The following GALNT18 variants were observed in gnomAD, a reference collection of about 807,000 sequenced individuals.
GALNT18 encodes GalNAc-transferase 18.
Under a neutral mutation model 69.5 loss-of-function variants are expected in GALNT18, and 44 were observed. That is an observed-to-expected ratio of 0.63 (90% CI 0.50 to 0.81). GALNT18 has a LOEUF of 0.81. GALNT18 is among the 40% of genes least tolerant of loss of function. GALNT18 has a pLI of 0.00. For missense variants in GALNT18, 715 were observed against 810.0 expected (o/e 0.88, Z 1.42); for synonymous variants, 364 against 318.2 (o/e 1.14, Z -1.53).
intron 9 of GALNT18, among the ~76,000 whole-genome samples, chr11:11,316,830 A>C (rs1849764727): frequency 6.6e-6 from 1 of 152,174 alleles, no homozygotes; most frequent in Non-Finnish European, 1.5e-5. Context: ...TCATTGTATA[A>C]ACTGTGATCA....
intron 10 of GALNT18, among the ~76,000 whole-genome samples, chr11:11,277,954 G>T (rs904939560): frequency 6.6e-6 from 1 of 152,148 alleles, no homozygotes. Context: ...GTCCGATGAG[G>T]TGCTGAGAAG....
At chr11:11,427,624 C>T (rs915841475) in intron 3 of GALNT18, among the ~76,000 whole-genome samples, 1 of 152,116 alleles carries the variant, frequency 6.6e-6, no homozygotes, top group Non-Finnish European at 1.5e-5. Context: ...AAATAGGGTT[C>T]GCAGAGGTTA....
chr11:11,515,160 G>A (rs557393681), intron 1 of GALNT18, among the ~76,000 whole-genome samples: 1 of 152,130 alleles, frequency 6.6e-6, no homozygotes, highest in East Asian at 1.9e-4. Context: ...CTGAGAATAG[G>A]GGCCTCTCCT....
rs979598265 is a variant in GALNT18 at position 11,274,531 on chromosome 11, G to A, written c.1678-3241C>T. On this transcript the variant is annotated intron_variant, in intron 10 of 10. Coordinates refer to ENST00000227756, the MANE Select transcript of GALNT18 (RefSeq NM_198516.3). ...GTGAGGGACATCCGCCATTGCTGTGGCCTGAGTAGGTGGGTTTTTAAAATT... is the reference window on the plus strand; with the variant it reads ...GTGAGGGACATCCGCCATTGCTGTGACCTGAGTAGGTGGGTTTTTAAAATT... Among the ~76,000 whole-genome samples the A allele has an allele frequency of 2.6e-5, 4 of 152,312 alleles. No individual in the cohort carries two copies. The East Asian group carries it at 7.7e-4, about 29-fold the overall frequency.
intron 1 of GALNT18, among the ~76,000 whole-genome samples, chr11:11,610,376 T>C (rs540194513): frequency 6.6e-6 from 1 of 152,290 alleles, no homozygotes; most frequent in African/African-American, 2.4e-5. Context: ...ATCTGTGAAA[T>C]GGGGATAATA....
At chr11:11,576,422 G>A (rs1223073139) in intron 1 of GALNT18, among the ~76,000 whole-genome samples, 1 of 152,236 alleles carries the variant, frequency 6.6e-6, no homozygotes, top group Admixed American at 6.5e-5. Flanking sequence ...TTAACCAGGT[G>A]CAGATATAAG....
chr11:11,610,571 T>C (rs571802022), intron 1 of GALNT18, among the ~76,000 whole-genome samples: 1 of 152,322 alleles, frequency 6.6e-6, no homozygotes, highest in East Asian at 1.9e-4. Context: ...GATTGATTGA[T>C]CTCTTCTATG....
Position 11,349,282 on chromosome 11 carries a change from G to A in GALNT18, c.1093-8278C>T, listed in dbSNP as rs184163579. ...CGCTTGTATGTGTCTCCTGGTGCAC[G>A]AGAGTGGGCAGGCCTCCATGTATTT... On this transcript the variant is annotated intron_variant, in intron 6 of 10. Transcript: ENST00000227756. 5.9e-3 allele frequency among the ~76,000 whole-genome samples: 899 copies of A among 152,274 alleles called. 4 individuals carry two copies. The highest frequency in any genetic ancestry group is 0.014 in the African/African-American group (573 of 41,546).
chr11:11,291,567 G>A (rs149907744), intron 10 of GALNT18, among the ~76,000 whole-genome samples: 2 of 152,296 alleles, frequency 1.3e-5, no homozygotes, highest in Admixed American at 6.5e-5. Flanking sequence ...AGACAGGAAG[G>A]AGCAGGAGCC....
chr11:11,479,719 C>A (rs7929276), intron 1 of GALNT18, among the ~76,000 whole-genome samples: 17,454 of 152,134 alleles, frequency 0.11, 1,157 homozygotes, highest in African/African-American at 0.16. Flanking sequence ...TGACCTGTGC[C>A]CCATGCGGAA....
Position 11,592,876 on chromosome 11 carries a change from G to A in GALNT18, c.235+28483C>T, listed in dbSNP as rs1859391432. ...TGGTTACCTTTCTTGTAGATAAAAT[G>A]CTAAGGGTCAGACCAGAACAGAGGA... On this transcript the variant is annotated intron_variant, in intron 1 of 10. Transcript: ENST00000227756. The surrounding 1 kb of genome is among the most constrained non-coding windows in gnomAD (Gnocchi z 5.9). 1.3e-5 allele frequency among the ~76,000 whole-genome samples: 2 copies of A among 152,112 alleles called. No homozygotes were observed. The highest frequency in any genetic ancestry group is 2.9e-5 in the Non-Finnish European group (2 of 68,026).
intron 3 of GALNT18, among the ~76,000 whole-genome samples, chr11:11,381,774 A>G (rs925609864): frequency 1.3e-5 from 2 of 152,176 alleles, no homozygotes; most frequent in Non-Finnish European, 2.9e-5. Flanking sequence ...TCGGGCCACC[A>G]GCTGATTGCA....
At chr11:11,446,369 A>G (rs1023589757) in intron 2 of GALNT18, among the ~76,000 whole-genome samples, 3 of 152,100 alleles carry the variant, frequency 2.0e-5, no homozygotes, top group African/African-American at 7.2e-5. Flanking sequence ...ACAAATATGG[A>G]TTGAGCTGTG....
chr11:11,361,901 T>C (rs1378721163), intron 6 of GALNT18, among the ~76,000 whole-genome samples: 1 of 152,202 alleles, frequency 6.6e-6, no homozygotes, highest in Non-Finnish European at 1.5e-5. Flanking sequence ...ATTAGTTTGC[T>C]AGGCTAAATT....
At chr11:11,489,216 CATT>C (rs1025844667) in intron 1 of GALNT18, among the ~76,000 whole-genome samples, 2 of 152,126 alleles carry the variant, frequency 1.3e-5, no homozygotes, top group Non-Finnish European at 2.9e-5. Context: ...AATGGGGGAG[CATT>C]ATTATGACAG....
chr11:11,525,346 A>G (rs1564993982), intron 1 of GALNT18, among the ~76,000 whole-genome samples: 1 of 152,202 alleles, frequency 6.6e-6, no homozygotes, highest in Non-Finnish European at 1.5e-5. Flanking sequence ...AATGAGAAGC[A>G]GGGAGCTCAA....
intron 6 of GALNT18, among the ~76,000 whole-genome samples, chr11:11,371,642 G>A (rs576525337): frequency 4.1e-5 from 6 of 146,886 alleles, no homozygotes; most frequent in Non-Finnish European, 7.6e-5. Context: ...GGCCATCGTG[G>A]GGAGGACATC....
Position 11,315,501 on chromosome 11 carries a change from C to G in GALNT18, c.1512+11585G>C, listed in dbSNP as rs1186354331. The stretch of plus-strand genomic sequence containing the variant: ...GAAGGGAGCCACCCCAGCCCAGAGA[C>G]TCTGGAGTGGGGATAACCGCAGGTT... On this transcript the variant is annotated intron_variant, in intron 9 of 10. Transcript: ENST00000227756. This position sits in a 1 kb window ranked among gnomAD's most constrained non-coding sequence, Gnocchi z 5.6. Among the ~76,000 whole-genome samples the G allele has an allele frequency of 6.6e-6, 1 of 152,184 alleles. No individual in the cohort carries two copies. The highest frequency in any genetic ancestry group is 1.5e-5 in the Non-Finnish European group (1 of 68,016).
At chr11:11,397,031 T>C (rs559283910) in intron 3 of GALNT18, among the ~76,000 whole-genome samples, 43 of 152,228 alleles carry the variant, frequency 2.8e-4, no homozygotes, top group African/African-American at 1.0e-3. Context: ...ATGGCAAATG[T>C]GTGCAGACAC....
Sources: allele counts gnomAD v4.1 joint callset (sites outside exome capture counted in the v4.1 genomes callset), GRCh38; gene constraint gnomAD v4.1.1; non-coding constraint Gnocchi (gnomAD v3.1); transcripts MANE v1.5; gene names NCBI Gene and HGNC (gene_info 2026-07-23, HGNC 2026-07-21).